The following VPS9D1 variants were observed in gnomAD, a reference collection of about 807,000 sequenced individuals.
VPS9D1 encodes VPS9 domain-containing protein 1.
A neutral mutation model predicts 75.8 loss-of-function variants in VPS9D1; 78 were observed. That is an observed-to-expected ratio of 1.03 (90% CI 0.86 to 1.24). The LOEUF is 1.24. VPS9D1 is among the 50% of genes most tolerant of loss of function. The pLI is 0.00. For synonymous variants in VPS9D1, 481 were observed against 385.6 expected, an observed-to-expected ratio of 1.25 and a Z score of -2.90; for missense variants, 1,057 against 847.7, an observed-to-expected ratio of 1.25 and a Z score of -3.07.
rs200733163 is a variant in VPS9D1 at position 89,709,870 on chromosome 16, C to G, written c.1295G>C (p.Gly432Ala). 2 of 1,613,312 alleles carry G rather than the reference C, an allele frequency of 1.2e-6. No homozygotes were observed. Among genetic ancestry groups the G allele is most frequent in the Non-Finnish European group, 1.7e-6 (2 of 1,179,692 alleles). ...GTCCTTGGAGGCAGCTGTGTTTAGG[C>G]CTTCGAAGGCCAGAAGGGTCAGCGA... ...LLSLTLLAFE[G>A]LNTAASKDRC... is the part of the protein sequence containing the mutation. The change falls in exon 11 of 15, where the codon GGC (glycine) becomes GCC (alanine). Residue 432 changes from glycine (G) to alanine (A), a missense_variant. By Grantham distance (60) the Gly-to-Ala change is moderately conservative. Coordinates refer to ENST00000389386, the MANE Select transcript of VPS9D1 (RefSeq NM_004913.3).
In VPS9D1 at chr16:89,709,141, G is replaced by T. The variant is rs937961529; in HGVS notation, c.1597+86C>A. On this transcript the variant is annotated intron_variant, in intron 12 of 14. Coordinates refer to ENST00000389386, the MANE Select transcript of VPS9D1 (RefSeq NM_004913.3). The stretch of plus-strand genomic sequence containing the variant: ...CAACCTCCCCACCGGCACGTGACAA[G>T]AGAAGCTCAGTGGTGAAGACACAGG... 1.9e-6 allele frequency: 3 copies of T among 1,576,258 alleles called. No homozygotes were observed. The East Asian group carries it at 6.7e-5, about 35-fold the overall frequency.
chr16:89,708,239 G>A (rs1245031996), intron 14 of VPS9D1, among the ~76,000 whole-genome samples, 188 bp downstream of exon 14: 1 of 152,228 alleles, frequency 6.6e-6, no homozygotes, highest in Non-Finnish European at 1.5e-5. Flanking sequence ...TGAGCTAAGC[G>A]AAGGGCCACG....
chr16:89,709,178 C>T (rs1309554014), intron 12 of VPS9D1, 49 bp downstream of exon 12: 3 of 1,606,456 alleles, frequency 1.9e-6, no homozygotes, highest in Non-Finnish European at 2.6e-6. Flanking sequence ...TCCAGGTCAC[C>T]TACTGGGATG....
chr16:89,712,360 C>A, intron 6 of VPS9D1, 100 bp downstream of exon 6: 1 of 1,548,390 alleles, frequency 6.5e-7, no homozygotes, highest in Non-Finnish European at 8.7e-7. Flanking sequence ...GTACCCCGAC[C>A]CCGGAACCTC....
intron 14 of VPS9D1, 139 bp from the exon 15 acceptor site, chr16:89,708,093 G>A: frequency 6.4e-6 from 5 of 785,958 alleles, no homozygotes; most frequent in Non-Finnish European, 1.1e-5. Context: ...GGGCGGCTGG[G>A]CTAGAGGAGG....
chr16:89,713,649 T>C (rs1475052262), intron 4 of VPS9D1, among the ~76,000 whole-genome samples: 1 of 152,174 alleles, frequency 6.6e-6, no homozygotes, highest in Admixed American at 6.6e-5. Flanking sequence ...TAAAGCAAGC[T>C]TGTGCAACAA....
chr16:89,711,280 C>T (rs1215273293), intron 9 of VPS9D1, 47 bp downstream of exon 9: 2 of 1,559,456 alleles, frequency 1.3e-6, no homozygotes, highest in Non-Finnish European at 1.7e-6. Flanking sequence ...GCAGAGGTGC[C>T]CAAGGCCGGT....
chr16:89,713,897 G>C (rs573027115), intron 4 of VPS9D1, among the ~76,000 whole-genome samples: 4 of 152,102 alleles, frequency 2.6e-5, no homozygotes, highest in African/African-American at 9.6e-5. Flanking sequence ...GCTCCAGCCT[G>C]GGTGATAGAG....
intron 1 of VPS9D1, 81 bp downstream of exon 1, chr16:89,720,682 G>A (rs972556046): frequency 7.0e-6 from 9 of 1,289,444 alleles, no homozygotes; most frequent in Middle Eastern, 2.9e-4. Flanking sequence ...GCCCGAGCCG[G>A]CCCCGTCCTC....
chr16:89,715,929 G>A (rs1413992222), intron 4 of VPS9D1, among the ~76,000 whole-genome samples: 1 of 151,782 alleles, frequency 6.6e-6, no homozygotes, highest in African/African-American at 2.4e-5. Context: ...TGCTCGCCTC[G>A]GCCTCCTACA....
In VPS9D1 at chr16:89,709,339, G is replaced by A; in HGVS notation, c.1485C>T (p.Leu495=). The A allele has an allele frequency of 6.3e-7, 1 of 1,595,202 alleles. No homozygotes were observed. The highest frequency in any genetic ancestry group is 8.5e-7 in the Non-Finnish European group (1 of 1,173,196). Residue 495 remains leucine, a synonymous_variant, in exon 12 of 15, where the codon CTC becomes CTT. Coordinates refer to ENST00000389386, the MANE Select transcript of VPS9D1 (RefSeq NM_004913.3). ...CCCCCTTGGCCTCAGGGTTCTGGGG[G>A]AGGAGCTTGGTGGGGATGCCAATGG... The part of the protein sequence containing the change: ...PTAIGIPTKL[L]PQNPEAKGAT...
chr16:89,711,240 G>T, intron 9 of VPS9D1, 87 bp downstream of exon 9: 1 of 1,427,346 alleles, frequency 7.0e-7, no homozygotes, highest in Non-Finnish European at 9.6e-7. Flanking sequence ...CCCTGTGTCA[G>T]TCCAGCCCCT....
Position 89,709,319 on chromosome 16 carries a change from T to G in VPS9D1, c.1505A>C (p.Lys502Thr). Residue 502 changes from lysine (K) to threonine (T), a missense_variant, in exon 12 of 15, where the codon AAG becomes ACG. Lys to Thr is a moderately conservative substitution (Grantham distance 78, BLOSUM62 -1). Coordinates refer to ENST00000389386, the MANE Select transcript of VPS9D1 (RefSeq NM_004913.3). ...TKLLPQNPEA[K>T]GATGYPYCAA... is the part of the protein sequence containing the mutation. ...GCAGTAGGGGTAGCCAGTGGCCCCCTTGGCCTCAGGGTTCTGGGGGAGGAG... is the reference window on the plus strand; with the variant it reads ...GCAGTAGGGGTAGCCAGTGGCCCCCGTGGCCTCAGGGTTCTGGGGGAGGAG... The G allele has an allele frequency of 6.2e-7, 1 of 1,604,466 alleles. No individual in the cohort carries two copies. The highest frequency in any genetic ancestry group is 8.5e-7 in the Non-Finnish European group (1 of 1,177,216).
intron 4 of VPS9D1, among the ~76,000 whole-genome samples, chr16:89,715,225 AT>A (rs56372825): frequency 0.82 from 93,090 of 113,640 alleles, 38,166 homozygotes; most frequent in Admixed American, 0.92. Context: ...TCCCAGCTAA[AT>A]TTTTTTTTTT....
rs911297286 is a variant in VPS9D1, at chr16:89,707,602, G to C, written c.*259C>G. The C allele has an allele frequency of 4.3e-6, 2 of 466,750 alleles. No individual in the cohort carries two copies. Among genetic ancestry groups the C allele is most frequent in the East Asian group, 7.6e-5 (2 of 26,240 alleles). The allele number at this position is 466,750 out of a possible 1,614,324, so 28.9% of individuals were successfully genotyped here. A position where few individuals can be genotyped will look rare whatever the true frequency, so the allele number is the denominator to read the frequency against. ...TGGCCTCTCTGAGGCCTACACAGGA[G>C]AGCAGGGCCTGGTTCCTCCTGGAGC... On this transcript the variant is annotated 3_prime_UTR_variant, in exon 15 of 15. Transcript: ENST00000389386.
intron 9 of VPS9D1, 95 bp from the exon 10 acceptor site, chr16:89,711,105 G>C: frequency 7.6e-7 from 1 of 1,307,212 alleles, no homozygotes; most frequent in South Asian, 1.5e-5. Context: ...GAAGCGACTT[G>C]CATTACCTCC....
chr16:89,720,545 G>C (rs539164569), intron 1 of VPS9D1: 1 of 1,174,524 alleles, frequency 8.5e-7, no homozygotes, highest in East Asian at 3.9e-5. Flanking sequence ...AGCGAGCGGA[G>C]TGGAAAGCCA....
chr16:89,708,584 C>T (rs2151618407), intron 13 of VPS9D1, 53 bp from the exon 14 acceptor site: 1 of 1,551,438 alleles, frequency 6.4e-7, no homozygotes, highest in Non-Finnish European at 8.8e-7. Context: ...TCTCACTCCG[C>T]AAACCCAGCA....
intron 4 of VPS9D1, among the ~76,000 whole-genome samples, chr16:89,713,978 C>T (rs1251772006): frequency 6.6e-6 from 1 of 152,062 alleles, no homozygotes; most frequent in East Asian, 1.9e-4. Flanking sequence ...ATTCTGTCGC[C>T]CAGGCTGGAG....
Sources: gnomAD v4.1 joint callset for allele counts (sites outside exome capture counted in the v4.1 genomes callset) on GRCh38, gnomAD v4.1.1 for gene constraint, MANE v1.5 for transcripts, NCBI Gene and HGNC (gene_info 2026-07-23, HGNC 2026-07-21) for gene names.